The following PPP2R2B variants were observed in gnomAD, a reference collection of about 807,000 sequenced individuals.
PPP2R2B encodes protein phosphatase 2 regulatory subunit Bbeta.
A neutral mutation model predicts 46.0 loss-of-function variants in PPP2R2B; 5 were observed. The ratio of observed to expected loss-of-function variants is 0.11; its 90% CI spans 0.06 to 0.23. The LOEUF (loss-of-function observed/expected upper bound fraction) is 0.23, where lower values mean the gene tolerates loss of function less well. Ranked by LOEUF, PPP2R2B falls within the 10% of genes least tolerant of loss-of-function variation. PPP2R2B has a pLI of 1.00. For synonymous variants in PPP2R2B, 215 were observed against 206.7 expected (o/e 1.04, Z -0.34); for missense variants, 367 against 575.0 (o/e 0.64, Z 3.70).
chr5:146,852,929 T>C (rs536475108), intron 2 of PPP2R2B, among the ~76,000 whole-genome samples: 23 of 152,212 alleles, frequency 1.5e-4, no homozygotes, highest in African/African-American at 5.3e-4. Flanking sequence ...AATTAGAGCT[T>C]TGGATTATCA....
upstream of PPP2R2B, among the ~76,000 whole-genome samples, chr5:147,060,645 A>G (rs1182066372): frequency 1.3e-5 from 2 of 152,002 alleles, no homozygotes; most frequent in Non-Finnish European, 2.9e-5. Flanking sequence ...AAAAAGAAAC[A>G]ACAAAAAAAC....
intron 2 of PPP2R2B, among the ~76,000 whole-genome samples, chr5:147,065,489 T>G (rs1282210324): frequency 6.6e-6 from 1 of 151,982 alleles, no homozygotes; most frequent in African/African-American, 2.4e-5. Flanking sequence ...GAGTGACATA[T>G]GTACACACTG....
upstream of PPP2R2B, among the ~76,000 whole-genome samples, chr5:147,059,970 C>A (rs1256362605): frequency 2.0e-5 from 3 of 152,128 alleles, no homozygotes; most frequent in South Asian, 2.1e-4. Flanking sequence ...TATGTTTTTA[C>A]AACCTCTTTT....
At chr5:146,760,112 A>T (rs1415802790) in intron 2 of PPP2R2B, among the ~76,000 whole-genome samples, 2 of 152,226 alleles carry the variant, frequency 1.3e-5, no homozygotes, top group African/African-American at 4.8e-5. Context: ...TTAGCACAGC[A>T]TGTAACACAC....
At chr5:146,643,433 A>C (rs759682522) in intron 6 of PPP2R2B, among the ~76,000 whole-genome samples, 1 of 152,250 alleles carries the variant, frequency 6.6e-6, no homozygotes, top group Non-Finnish European at 1.5e-5. Context: ...ATAACTACTA[A>C]GCAGTAAAAG....
chr5:146,796,919 T>C (rs1756575411), intron 2 of PPP2R2B, among the ~76,000 whole-genome samples: 2 of 152,168 alleles, frequency 1.3e-5, no homozygotes, highest in Admixed American at 1.3e-4. Flanking sequence ...ATACCACCAT[T>C]GGCAATGAGA....
chr5:146,590,793 T>C (rs1026050388), intron 9 of PPP2R2B, among the ~76,000 whole-genome samples: 10 of 152,168 alleles, frequency 6.6e-5, no homozygotes, highest in African/African-American at 2.2e-4. Flanking sequence ...TAGCTCTGAA[T>C]TCGGCCTTTT....
chr5:147,063,954 C>A (rs1294949414), intron 2 of PPP2R2B, among the ~76,000 whole-genome samples: 1 of 152,128 alleles, frequency 6.6e-6, no homozygotes, highest in Non-Finnish European at 1.5e-5. Context: ...TTCTGAGAGG[C>A]CATAATAGTA....
At chr5:146,867,488 G>A (rs1368786706) in intron 2 of PPP2R2B, among the ~76,000 whole-genome samples, 1 of 152,036 alleles carries the variant, frequency 6.6e-6, no homozygotes, top group African/African-American at 2.4e-5. Context: ...GAGTAGAGAG[G>A]GAATCTTTTG....
chr5:146,808,290 T>C (rs1425086928), intron 2 of PPP2R2B, among the ~76,000 whole-genome samples: 1 of 152,182 alleles, frequency 6.6e-6, no homozygotes, highest in Middle Eastern at 3.2e-3. Flanking sequence ...GGCTCAACAG[T>C]CACATGTGCC....
chr5:147,038,528 G>GT (rs1204346030), intron 1 of PPP2R2B, among the ~76,000 whole-genome samples: 1 of 152,100 alleles, frequency 6.6e-6, no homozygotes, highest in African/African-American at 2.4e-5. Flanking sequence ...TCTACTTTAT[G>GT]TTTAGAATTC....
At chr5:146,814,535 A>G (rs967096827) in intron 2 of PPP2R2B, among the ~76,000 whole-genome samples, 1 of 152,374 alleles carries the variant, frequency 6.6e-6, no homozygotes, top group South Asian at 2.1e-4. Context: ...AGACAGAAAC[A>G]TCTGAAACTG....
intron 6 of PPP2R2B, among the ~76,000 whole-genome samples, chr5:146,639,936 A>G (rs1422629020): frequency 6.6e-6 from 1 of 152,202 alleles, no homozygotes; most frequent in Non-Finnish European, 1.5e-5. Context: ...TATTGAATCA[A>G]CAAGCAATAA....
At chr5:146,742,498 A>G (rs1406834360) in intron 2 of PPP2R2B, among the ~76,000 whole-genome samples, 2 of 152,160 alleles carry the variant, frequency 1.3e-5, no homozygotes, top group Non-Finnish European at 2.9e-5. Flanking sequence ...GAAGATATTC[A>G]CACTATGCAT....
At position 146,675,176 on chromosome 5, in the gene PPP2R2B, G is replaced by A. The variant is rs181778466; in HGVS notation, c.447+15952C>T. ...GGGATTTCACCATGTTGGCCAGGAT[G>A]GTTTCAATCTCCTGACCTCGTGATC... On this transcript the variant is annotated intron_variant, in intron 5 of 9. Coordinates refer to ENST00000394411, the MANE Select transcript of PPP2R2B (RefSeq NM_181675.4). 1.3e-4 allele frequency among the ~76,000 whole-genome samples: 20 copies of A among 152,178 alleles called. No individual in the cohort carries two copies. The East Asian group carries it at 3.7e-3, about 28-fold the overall frequency.
intron 2 of PPP2R2B, among the ~76,000 whole-genome samples, chr5:146,830,022 A>G (rs1000046964): frequency 6.6e-6 from 1 of 152,226 alleles, no homozygotes; most frequent in African/African-American, 2.4e-5. Context: ...TGTGAGGATT[A>G]TGTAAGATAT....
chr5:146,961,803 TGGA>T (rs1285202467), intron 1 of PPP2R2B, among the ~76,000 whole-genome samples: 1 of 151,964 alleles, frequency 6.6e-6, no homozygotes, highest in African/African-American at 2.4e-5. Flanking sequence ...TGGTCCCCCA[TGGA>T]GGAGATTTTT....
At chr5:147,020,422 T>C (rs1044178536) in intron 1 of PPP2R2B, among the ~76,000 whole-genome samples, 1 of 152,074 alleles carries the variant, frequency 6.6e-6, no homozygotes, top group Non-Finnish European at 1.5e-5. Flanking sequence ...GAAATTCATA[T>C]GTGATTTATA....
intron 1 of PPP2R2B, among the ~76,000 whole-genome samples, chr5:147,007,185 T>C (rs190024417): frequency 6.6e-6 from 1 of 152,084 alleles, no homozygotes; most frequent in African/African-American, 2.4e-5. Flanking sequence ...CGGAGGACAC[T>C]ACAACTGCAG....
Sources: gnomAD v4.1 joint callset for allele counts (sites outside exome capture counted in the v4.1 genomes callset) on GRCh38, gnomAD v4.1.1 for gene constraint, MANE v1.5 for transcripts, NCBI Gene and HGNC (gene_info 2026-07-23, HGNC 2026-07-21) for gene names.